Variants in CEACAM21 observed in about 807,000 individuals in gnomAD.
CEACAM21 encodes CEA cell adhesion molecule 21, also known as cell adhesion molecule CEACAM21.
In CEACAM21, 38 loss-of-function variants were observed where a neutral mutation model predicts 33.2. That is an observed-to-expected ratio of 1.14 (90% confidence interval 0.88 to 1.50). CEACAM21 has a LOEUF of 1.50. Ranked by LOEUF, CEACAM21 falls within the 40% of genes most tolerant of loss-of-function variation. CEACAM21 has a pLI of 0.00. For missense variants in CEACAM21, 385 were observed against 364.6 expected (o/e 1.06, Z -0.46); for synonymous variants, 156 against 143.0 (o/e 1.09, Z -0.65).
chr19:41,581,899 T>C (rs1555793668), intron 3 of CEACAM21, among the ~76,000 whole-genome samples: 1 of 152,190 alleles, frequency 6.6e-6, no homozygotes, highest in African/African-American at 2.4e-5. Context: ...AAATCTCATG[T>C]CCTCACATTT....
chr19:41,574,024 G>T (rs9807894), upstream of CEACAM21, among the ~76,000 whole-genome samples: 3,587 of 152,268 alleles, frequency 0.024, 155 homozygotes, highest in African/African-American at 0.082. Context: ...ATAGAATCAA[G>T]AGTCCAGAAA....
chr19:41,574,544 T>C (rs1221626418), upstream of CEACAM21, among the ~76,000 whole-genome samples: 2 of 152,086 alleles, frequency 1.3e-5, no homozygotes, highest in African/African-American at 4.8e-5. Flanking sequence ...GAATAAATAG[T>C]TCTCTAAAAA....
At chr19:41,581,386 G>T (rs1555793512) in intron 3 of CEACAM21, among the ~76,000 whole-genome samples, 1 of 152,176 alleles carries the variant, frequency 6.6e-6, no homozygotes, top group Non-Finnish European at 1.5e-5. Flanking sequence ...TGACTGGTTT[G>T]CTGTTATTAA....
At chr19:41,579,278 TC>T (rs782283160) in intron 2 of CEACAM21, 74 bp from the exon 3 acceptor site, 2 of 1,612,546 alleles carry the variant, frequency 1.2e-6, no homozygotes, top group South Asian at 2.2e-5. Context: ...AGGAGAATGT[TC>T]TAAATTTGAC....
intron 2 of CEACAM21, among the ~76,000 whole-genome samples, chr19:41,578,591 T>C (rs1291475258): frequency 6.6e-6 from 1 of 152,162 alleles, no homozygotes; most frequent in Non-Finnish European, 1.5e-5. Flanking sequence ...TTGGTTCAGC[T>C]CCTTTCTTCT....
chr19:41,583,711 G>T (rs2122289500), intron 3 of CEACAM21, among the ~76,000 whole-genome samples: 1 of 152,208 alleles, frequency 6.6e-6, no homozygotes, highest in Middle Eastern at 3.4e-3. Flanking sequence ...ACAAGAACAG[G>T]ATGGAAAAAA....
chr19:41,585,654 G>T (rs1396314844), intron 5 of CEACAM21, among the ~76,000 whole-genome samples, 159 bp downstream of exon 5: 2 of 152,104 alleles, frequency 1.3e-5, no homozygotes, highest in Non-Finnish European at 2.9e-5. Flanking sequence ...GGCCGGGTCA[G>T]CCCTAACCTC....
At chr19:41,569,768 A>G (rs2042485816) in intron 2 of CEACAM21, among the ~76,000 whole-genome samples, 1 of 152,130 alleles carries the variant, frequency 6.6e-6, no homozygotes, top group Non-Finnish European at 1.5e-5. Context: ...TCCCAGGGGA[A>G]TCTATGATTC....
Position 41,579,543 on chromosome 19 carries a change from G to A in CEACAM21, c.615G>A (p.Arg205=). 6.2e-7 allele frequency: 1 copy of A among 1,611,160 alleles called. No individual in the cohort carries two copies. The highest frequency in any genetic ancestry group is 8.5e-7 in the Non-Finnish European group (1 of 1,178,510). Residue 205 remains arginine, a synonymous_variant, in exon 3 of 7, where the codon AGG becomes AGA. Transcript: ENST00000401445. ...ATGTGCTCACCATAGACCCCATCAG[G>A]CAGGAGGACGCTGGGGAGTATCAGT... ...FNHVLTIDPI[R]QEDAGEYQCE... is the part of the protein sequence containing the mutation.
rs371050005 is a variant in CEACAM21, at chr19:41,583,257, T to C, written c.701-1090T>C. 1.8e-3 allele frequency among the ~76,000 whole-genome samples: 271 copies of C among 152,250 alleles called. 3 individuals are homozygous for C. Among genetic ancestry groups the C allele is most frequent in the African/African-American group, 6.1e-3 (254 of 41,546 alleles). On this transcript the variant is annotated intron_variant, in intron 3 of 6. Transcript: ENST00000401445. ...GTTCCAGTTCCCAAGAAGTTCCTCA[T>C]CTCTGTCTGAGACCACCTCAGCTTG...
intron 1 of CEACAM21, chr19:41,550,586 T>C (rs547686854): frequency 1.6e-4 from 25 of 152,226 alleles, no homozygotes; most frequent in African/African-American, 5.8e-4. Flanking sequence ...GCTCGACCAA[T>C]GCGGTGAAAC....
chr19:41,566,812 A>G (rs1424634912), intron 2 of CEACAM21, among the ~76,000 whole-genome samples: 3 of 152,190 alleles, frequency 2.0e-5, no homozygotes, highest in African/African-American at 7.2e-5. Context: ...AAAATTATCA[A>G]CTGTCTTTTT....
chr19:41,583,389 G>A (rs782267451), intron 3 of CEACAM21, among the ~76,000 whole-genome samples: 4 of 152,096 alleles, frequency 2.6e-5, no homozygotes, highest in Non-Finnish European at 4.4e-5. Context: ...CCTCCAAACT[G>A]TTCCAACCTC....
At position 41,579,553 on chromosome 19, in the gene CEACAM21, G is replaced by T. The variant is rs753744533; in HGVS notation, c.625G>T (p.Ala209Ser). The T allele has an allele frequency of 4.4e-6, 7 of 1,607,578 alleles. No homozygotes were observed. Among genetic ancestry groups the T allele is most frequent in the Non-Finnish European group, 5.9e-6 (7 of 1,176,770 alleles). The change falls in exon 3 of 7, where the codon GCT becomes TCT. Residue 209 changes from alanine to serine, a missense_variant. Coordinates refer to ENST00000401445, the MANE Select transcript of CEACAM21 (RefSeq NM_001098506.4). Reference protein sequence around the residue: ...LTIDPIRQEDAGEYQCEVSNP... With the variant: ...LTIDPIRQEDSGEYQCEVSNP... ...CATAGACCCCATCAGGCAGGAGGACGCTGGGGAGTATCAGTGTGAGGTCTC... is the reference window on the plus strand; with the variant it reads ...CATAGACCCCATCAGGCAGGAGGACTCTGGGGAGTATCAGTGTGAGGTCTC...
At chr19:41,560,476 G>T (rs573442665) in intron 1 of CEACAM21, among the ~76,000 whole-genome samples, 1 of 152,146 alleles carries the variant, frequency 6.6e-6, no homozygotes, top group African/African-American at 2.4e-5. Flanking sequence ...CTCCATTAGG[G>T]CTGGTTTCTT....
intron 2 of CEACAM21, 84 bp downstream of exon 2, chr19:41,577,643 C>A: frequency 2.5e-6 from 4 of 1,575,722 alleles, no homozygotes; most frequent in Non-Finnish European, 3.4e-6. Flanking sequence ...GCTGTGCCTG[C>A]ATCCCCCTCT....
chr19:41,553,826 CT>C (rs782706384), intron 1 of CEACAM21: 5 of 152,076 alleles, frequency 3.3e-5, no homozygotes, highest in Non-Finnish European at 5.9e-5. Flanking sequence ...TGGTCAAAAC[CT>C]TGGTAAAATA....
intron 1 of CEACAM21, among the ~76,000 whole-genome samples, chr19:41,563,520 G>A (rs782311968): frequency 4.6e-5 from 7 of 152,256 alleles, no homozygotes; most frequent in Admixed American, 1.3e-4. Flanking sequence ...GGTCGCACAT[G>A]CAGAAGAGAG....
chr19:41,553,766 T>C (rs1181664644), intron 1 of CEACAM21: 1 of 152,110 alleles, frequency 6.6e-6, no homozygotes, highest in Non-Finnish European at 1.5e-5. Context: ...CCAAAGGCTT[T>C]ATTAGCTCCA....
Sources: gnomAD v4.1 joint callset for allele counts (sites outside exome capture counted in the v4.1 genomes callset) on GRCh38, gnomAD v4.1.1 for gene constraint, MANE v1.5 for transcripts, NCBI Gene and HGNC (gene_info 2026-07-23, HGNC 2026-07-21) for gene names.